The following ADGRG7 variants were observed in gnomAD, a reference collection of about 807,000 sequenced individuals.
ADGRG7 encodes the protein adhesion G protein-coupled receptor G7, also known as G-protein coupled receptor 128.
ADGRG7 carries 82 observed loss-of-function variants against 88.6 expected under a neutral mutation model. The ratio of observed to expected loss-of-function variants is 0.93; its 90% confidence interval spans 0.77 to 1.11. The LOEUF (loss-of-function observed/expected upper bound fraction) is 1.11. Ranked by LOEUF, ADGRG7 falls within the 50% of genes most tolerant of loss-of-function variation. ADGRG7 has a pLI of 0.00. For missense variants in ADGRG7, 945 were observed against 953.4 expected (o/e 0.99, Z 0.12); for synonymous variants, 381 against 345.2 (o/e 1.10, Z -1.15).
chr3:100,610,357 T>G (rs1341258675), intron 1 of ADGRG7, among the ~76,000 whole-genome samples: 1 of 152,130 alleles, frequency 6.6e-6, no homozygotes, highest in African/African-American at 2.4e-5. Flanking sequence ...TACACACACA[T>G]GCATAACACA....
At chr3:100,644,965 TTCTC>T (rs1707716341) in intron 8 of ADGRG7, among the ~76,000 whole-genome samples, 1 of 152,180 alleles carries the variant, frequency 6.6e-6, no homozygotes, top group Non-Finnish European at 1.5e-5. Context: ...ACCCATCCCT[TTCTC>T]TCCAGGTAGA....
chr3:100,629,753 A>G, intron 2 of ADGRG7, 42 bp downstream of exon 2: 1 of 1,298,350 alleles, frequency 7.7e-7, no homozygotes, highest in South Asian at 1.2e-5. Flanking sequence ...GGTTTACGTC[A>G]CTCTTGTGTT....
At chr3:100,692,924 G>A (rs1036215393) in intron 15 of ADGRG7, among the ~76,000 whole-genome samples, 2 of 152,162 alleles carry the variant, frequency 1.3e-5, no homozygotes, top group Non-Finnish European at 2.9e-5. Context: ...ACACTAAAGT[G>A]TAGGAATATC....
intron 15 of ADGRG7, among the ~76,000 whole-genome samples, chr3:100,687,388 C>T (rs534738683): frequency 6.6e-6 from 1 of 152,214 alleles, no homozygotes; most frequent in South Asian, 2.1e-4. Flanking sequence ...TGCCTGATTG[C>T]CCTGGCCAGA....
chr3:100,682,348 TG>T (rs2094974610), intron 15 of ADGRG7, among the ~76,000 whole-genome samples: 2 of 152,088 alleles, frequency 1.3e-5, no homozygotes, highest in African/African-American at 2.4e-5. Context: ...GATGTAGAGC[TG>T]GGGTCACGCT....
At chr3:100,637,686 A>C (rs1707568569) in intron 6 of ADGRG7, 1 of 338,694 alleles carries the variant, frequency 3.0e-6, no homozygotes, top group Non-Finnish European at 5.5e-6. Context: ...GTTTGGCATG[A>C]CCAAGGGACA....
intron 1 of ADGRG7, among the ~76,000 whole-genome samples, chr3:100,620,360 C>G (rs982834513): frequency 6.6e-6 from 1 of 152,136 alleles, no homozygotes; most frequent in Non-Finnish European, 1.5e-5. Context: ...ATTCAACAGC[C>G]CTTCATGCTA....
chr3:100,665,968 G>A (rs2094951158), intron 14 of ADGRG7, among the ~76,000 whole-genome samples: 1 of 151,820 alleles, frequency 6.6e-6, no homozygotes, highest in South Asian at 2.1e-4. Context: ...AATGACAAAT[G>A]TTTATTATTT....
chr3:100,685,565 C>T (rs1314736194), intron 15 of ADGRG7, among the ~76,000 whole-genome samples: 1 of 152,100 alleles, frequency 6.6e-6, no homozygotes, highest in Admixed American at 6.6e-5. Flanking sequence ...TGATGTTCCC[C>T]TTTCTGTGTC....
intron 6 of ADGRG7, among the ~76,000 whole-genome samples, chr3:100,639,972 G>A (rs1707610985): frequency 6.6e-6 from 1 of 152,252 alleles, no homozygotes; most frequent in South Asian, 2.1e-4. Flanking sequence ...TGAATTTCTA[G>A]TCCAATTATT....
Position 100,663,120 on chromosome 3 carries a change from G to T in ADGRG7, c.1979+3277G>T, listed in dbSNP as rs545594284. On this transcript the variant is annotated intron_variant, in intron 14 of 15. Coordinates refer to ENST00000273352, the MANE Select transcript of ADGRG7 (RefSeq NM_032787.3). ...TGGTTTATCACAGCTCTTAGCTCCT[G>T]TTAAAGAGAGTAGGGGAACTAAGGG... Among the ~76,000 whole-genome samples the T allele has an allele frequency of 2.0e-5, 3 of 152,212 alleles. No homozygotes were observed. The South Asian group carries it at 6.2e-4, about 32-fold the overall frequency.
At chr3:100,682,023 T>G (rs1389795790) in intron 15 of ADGRG7, among the ~76,000 whole-genome samples, 3 of 152,204 alleles carry the variant, frequency 2.0e-5, no homozygotes, top group Admixed American at 1.3e-4. Flanking sequence ...TACTTCCTAA[T>G]GATGCCAGCG....
At chr3:100,653,560 T>C (rs1293039976) in intron 11 of ADGRG7, among the ~76,000 whole-genome samples, 1 of 152,208 alleles carries the variant, frequency 6.6e-6, no homozygotes, top group Non-Finnish European at 1.5e-5. Context: ...GTAGAACTTA[T>C]TACCTCATGT....
At chr3:100,660,769 A>C (rs914979528) in intron 14 of ADGRG7, among the ~76,000 whole-genome samples, 1 of 151,996 alleles carries the variant, frequency 6.6e-6, no homozygotes. Flanking sequence ...CCTGACCAAC[A>C]TGGAGAAACC....
chr3:100,671,500 G>T (rs1466533467), intron 15 of ADGRG7, among the ~76,000 whole-genome samples: 1 of 152,164 alleles, frequency 6.6e-6, no homozygotes, highest in Non-Finnish European at 1.5e-5. Flanking sequence ...CATTCTGTAG[G>T]TTGCTGCCTG....
At chr3:100,627,506 T>C (rs1235558797) in intron 1 of ADGRG7, among the ~76,000 whole-genome samples, 2 of 152,182 alleles carry the variant, frequency 1.3e-5, no homozygotes, top group Non-Finnish European at 2.9e-5. Context: ...GTAAACGTGA[T>C]TTATTGGCCT....
chr3:100,639,882 G>T (rs890448231), intron 6 of ADGRG7, among the ~76,000 whole-genome samples: 1 of 152,158 alleles, frequency 6.6e-6, no homozygotes, highest in Admixed American at 6.5e-5. Context: ...GGTGGTTAAA[G>T]GATAAATAAA....
intron 14 of ADGRG7, 57 bp from the exon 15 acceptor site, chr3:100,668,892 C>T (rs775478554): frequency 1.5e-5 from 19 of 1,263,322 alleles, no homozygotes; most frequent in East Asian, 9.8e-5. Context: ...GTAATAATGA[C>T]GTTGATAAGT....
intron 1 of ADGRG7, among the ~76,000 whole-genome samples, chr3:100,626,993 G>A (rs930110810): frequency 7.2e-4 from 109 of 152,112 alleles, no homozygotes; most frequent in African/African-American, 2.0e-3. Context: ...TAACTTTTTG[G>A]AGATATCTTA....
Sources: allele counts gnomAD v4.1 joint callset (sites outside exome capture counted in the v4.1 genomes callset), GRCh38; gene constraint gnomAD v4.1.1; transcripts MANE v1.5; gene names NCBI Gene and HGNC (gene_info 2026-07-23, HGNC 2026-07-21).